UNC79: variants seen among roughly 807,000 people sequenced by gnomAD.
UNC79 encodes unc-79 subunit of NALCN channel complex, also known as protein unc-79 homolog.
In UNC79, 37 loss-of-function variants were observed where a neutral mutation model predicts 283.1. The observed-to-expected ratio is 0.13, with a 90% CI of 0.10 to 0.17. UNC79 has a LOEUF of 0.17. UNC79 is among the 10% of genes least tolerant of loss of function. UNC79 has a pLI of 1.00. For missense variants in UNC79, 2,272 were observed against 3,211.1 expected (o/e 0.71, Z 7.07); for synonymous variants, 1,107 against 1,200.2 (o/e 0.92, Z 1.61).
intron 34 of UNC79, among the ~76,000 whole-genome samples, chr14:93,645,215 T>C (rs529719647): frequency 1.6e-4 from 25 of 152,380 alleles, no homozygotes; most frequent in African/African-American, 5.5e-4. Flanking sequence ...GTTTTGTTTC[T>C]TTTGTTTGTT....
intron 3 of UNC79, among the ~76,000 whole-genome samples, chr14:93,477,281 TACA>T (rs1483743048): frequency 6.6e-6 from 1 of 152,222 alleles, no homozygotes; most frequent in Non-Finnish European, 1.5e-5. Context: ...AATGTAGTAA[TACA>T]AATACCAAGT....
At chr14:93,588,111 G>A (rs2064347582) in intron 22 of UNC79, among the ~76,000 whole-genome samples, 1 of 152,104 alleles carries the variant, frequency 6.6e-6, no homozygotes, top group Admixed American at 6.5e-5. Context: ...CGGATGGTGT[G>A]GATGTAAGGG....
intron 1 of UNC79, among the ~76,000 whole-genome samples, chr14:93,383,685 G>A (rs1472605573): frequency 6.6e-6 from 1 of 152,146 alleles, no homozygotes; most frequent in Non-Finnish European, 1.5e-5. Flanking sequence ...TGGGTTGGCT[G>A]TGGCAAGTAC....
chr14:93,399,830 G>A (rs2055070289), intron 1 of UNC79, among the ~76,000 whole-genome samples: 1 of 152,126 alleles, frequency 6.6e-6, no homozygotes, highest in African/African-American at 2.4e-5. Context: ...CAGATTTCCT[G>A]CATATATACA....
chr14:93,333,836 G>C (rs1379698760), intron 1 of UNC79, among the ~76,000 whole-genome samples: 3 of 152,164 alleles, frequency 2.0e-5, no homozygotes, highest in African/African-American at 7.2e-5. Flanking sequence ...GTGGTAGTCA[G>C]GATAGGTGTT....
chr14:93,509,639 A>T (rs1048130113), intron 7 of UNC79, among the ~76,000 whole-genome samples: 2 of 152,080 alleles, frequency 1.3e-5, no homozygotes. Flanking sequence ...ATCTGCTTTG[A>T]CTCCATGTAT....
At chr14:93,588,808 G>C (rs757283486) in intron 22 of UNC79, among the ~76,000 whole-genome samples, 6 of 151,588 alleles carry the variant, frequency 4.0e-5, no homozygotes, top group African/African-American at 7.3e-5. Flanking sequence ...GTGGGAAAGG[G>C]CCAGAGAAAG....
intron 12 of UNC79, among the ~76,000 whole-genome samples, chr14:93,540,323 A>G (rs2061316401): frequency 6.6e-6 from 1 of 152,230 alleles, no homozygotes; most frequent in Non-Finnish European, 1.5e-5. Flanking sequence ...TGATAGATAT[A>G]GAGGAAGCAT....
intron 4 of UNC79, among the ~76,000 whole-genome samples, chr14:93,478,223 T>C (rs35539920): frequency 0.31 from 46,442 of 151,674 alleles, 7,400 homozygotes; most frequent in East Asian, 0.65. Flanking sequence ...CTTTCCCTTA[T>C]AGAGGTATCG....
At position 93,685,971 on chromosome 14, in the gene UNC79, C is replaced by A. The variant is rs145002901; in HGVS notation, c.6820-601C>A. Among the ~76,000 whole-genome samples, 3 of 152,308 alleles carry A rather than the reference C, an allele frequency of 2.0e-5. No individual in the cohort carries two copies. The East Asian group carries it at 5.8e-4, about 29-fold the overall frequency. On this transcript the variant is annotated intron_variant, in intron 42 of 48. Transcript: ENST00000555664. ...TTTCTTTCTTTTATTTATCCCCTAG[C>A]AAGAACTTGACAGTAATACATGTAT...
chr14:93,598,384 GTGTGTGTGTGTGTGTGTGTGTGTGT>G (rs2065237086), intron 24 of UNC79, among the ~76,000 whole-genome samples: 1 of 151,690 alleles, frequency 6.6e-6, no homozygotes, highest in Non-Finnish European at 1.5e-5. Context: ...GTGTGTGTGT[GTGTGTGTGTGTGTGTGTGTGTGTGT>G]GGCAGATTTT....
intron 16 of UNC79, among the ~76,000 whole-genome samples, chr14:93,573,577 A>G (rs2063321361): frequency 6.6e-6 from 1 of 152,232 alleles, no homozygotes; most frequent in South Asian, 2.1e-4. Context: ...GTTTAGATTA[A>G]CTACAGATAC....
At chr14:93,612,870 A>G in exon 27 of UNC79, 1 of 1,614,144 alleles carries the variant, frequency 6.2e-7, no homozygotes, top group Non-Finnish European at 8.5e-7. Context: ...ACCACCAGAC[A>G]GTTCACCAGC....
chr14:93,526,081 A>C (rs1436586150), intron 8 of UNC79, among the ~76,000 whole-genome samples: 1 of 152,218 alleles, frequency 6.6e-6, no homozygotes, highest in Non-Finnish European at 1.5e-5. Context: ...ATGTTTGCCA[A>C]CACCACCTCT....
intron 2 of UNC79, among the ~76,000 whole-genome samples, chr14:93,470,105 AT>A (rs2057424643): frequency 1.3e-5 from 2 of 152,146 alleles, no homozygotes; most frequent in Non-Finnish European, 2.9e-5. Flanking sequence ...AGAAGAAAGA[AT>A]TAGAGATGAA....
chr14:93,707,796 C>A (rs551495973), downstream of UNC79: 6 of 152,302 alleles, frequency 3.9e-5, no homozygotes, highest in African/African-American at 1.4e-4. Flanking sequence ...TCCTCTTTAT[C>A]CCTGTAATGC....
At chr14:93,656,232 T>G (rs1269176509) in intron 38 of UNC79, among the ~76,000 whole-genome samples, 1 of 152,178 alleles carries the variant, frequency 6.6e-6, no homozygotes, top group Admixed American at 6.5e-5. Context: ...GCAGTGGTGT[T>G]GCTGGCTTTG....
At chr14:93,538,289 G>C in intron 12 of UNC79, 71 bp downstream of exon 12, 1 of 1,407,852 alleles carries the variant, frequency 7.1e-7, no homozygotes, top group Non-Finnish European at 9.4e-7. Context: ...CGCACACTGA[G>C]ATGTGCATAT....
chr14:93,618,839 T>G (rs1455086874), intron 29 of UNC79, among the ~76,000 whole-genome samples: 1 of 152,248 alleles, frequency 6.6e-6, no homozygotes, highest in Non-Finnish European at 1.5e-5. Flanking sequence ...ACATTTTTGC[T>G]GCATAGGTGT....
Sources: gnomAD v4.1 joint callset for allele counts (sites outside exome capture counted in the v4.1 genomes callset) on GRCh38, gnomAD v4.1.1 for gene constraint, MANE v1.5 for transcripts, NCBI Gene and HGNC (gene_info 2026-07-23, HGNC 2026-07-21) for gene names.